Variants in ARHGAP5 observed in about 807,000 individuals in gnomAD.
ARHGAP5 encodes the protein Rho GTPase activating protein 5.
ARHGAP5 carries 23 observed loss-of-function variants against 116.6 expected under a neutral mutation model. That is an observed-to-expected ratio of 0.20 (90% CI 0.14 to 0.28). The LOEUF is 0.28. Ranked by LOEUF, ARHGAP5 falls within the 10% of genes least tolerant of loss-of-function variation. The probability of loss-of-function intolerance (pLI) is 1.00; values close to 1 mark genes in which losing one functional copy is unlikely to be tolerated. For synonymous variants in ARHGAP5, 574 were observed against 602.0 expected, an observed-to-expected ratio of 0.95 and a Z score of 0.68; for missense variants, 1,405 against 1,774.8, an observed-to-expected ratio of 0.79 and a Z score of 3.74.
chr14:32,140,642 T>C (rs529202720), intron 3 of ARHGAP5, among the ~76,000 whole-genome samples: 124 of 152,286 alleles, frequency 8.1e-4, no homozygotes, highest in African/African-American at 3.0e-3. Flanking sequence ...TAATTTTTCT[T>C]TTGTTACTTA....
At chr14:32,125,235 G>A (rs954675018) in intron 3 of ARHGAP5, among the ~76,000 whole-genome samples, 2 of 152,054 alleles carry the variant, frequency 1.3e-5, no homozygotes, top group African/African-American at 4.8e-5. Context: ...TACTAATTCT[G>A]GATATTTCAT....
rs1231022783 is a variant in ARHGAP5, at chr14:32,153,040, TG to T, written c.4181+514del. 2.8e-4 allele frequency among the ~76,000 whole-genome samples: 38 copies of T among 135,280 alleles called. No homozygotes were observed. In the South Asian group the frequency reaches 6.8e-3, roughly 24 times the overall value. 88.7% of individuals were successfully genotyped at this position (135,280 alleles called of 152,430 possible). On this transcript the variant is annotated intron_variant, in intron 6 of 6. Coordinates refer to ENST00000345122, the MANE Select transcript of ARHGAP5 (RefSeq NM_001030055.2). ...TCTACTGGCATTTTAATGAACTGTA[TG>T]GTTTTTTTTGTTTTTTTTTTTTTTT...
intron 1 of ARHGAP5, among the ~76,000 whole-genome samples, chr14:32,081,187 C>G (rs2041768805): frequency 6.6e-6 from 1 of 151,984 alleles, no homozygotes; most frequent in South Asian, 2.1e-4. Flanking sequence ...TAGGGAAGTA[C>G]ATACTGATTT....
intron 2 of ARHGAP5, among the ~76,000 whole-genome samples, chr14:32,097,838 T>G: frequency 6.6e-6 from 1 of 152,156 alleles, no homozygotes; most frequent in East Asian, 1.9e-4. Context: ...AACAGAAAAC[T>G]AGAGAAAGTA....
chr14:32,103,802 T>G (rs1878893021), intron 2 of ARHGAP5, among the ~76,000 whole-genome samples: 2 of 152,182 alleles, frequency 1.3e-5, no homozygotes, highest in South Asian at 4.1e-4. Context: ...GGGCTTAATC[T>G]GTGACTTTTA....
chr14:32,096,086 T>C (rs1301757546), intron 2 of ARHGAP5, among the ~76,000 whole-genome samples: 1 of 152,096 alleles, frequency 6.6e-6, no homozygotes, highest in Non-Finnish European at 1.5e-5. Flanking sequence ...CCCCACTTGA[T>C]GGAGCTGTGT....
At chr14:32,095,694 C>T (rs1274186745) in intron 2 of ARHGAP5, among the ~76,000 whole-genome samples, 2 of 152,044 alleles carry the variant, frequency 1.3e-5, no homozygotes, top group Non-Finnish European at 1.5e-5. Flanking sequence ...GGATTACAGG[C>T]GTGAGCCACC....
chr14:32,093,357 T>G lies in ARHGAP5; in HGVS notation c.2688T>G (p.Ala896=). 6.2e-7 allele frequency: 1 copy of G among 1,614,046 alleles called. No individual in the cohort carries two copies. Among genetic ancestry groups the G allele is most frequent in the Non-Finnish European group, 8.5e-7 (1 of 1,179,950 alleles). ...AAGCAGATTTTTTTGAAAATGAGGC[T>G]ATCAAAGAGTTAATGACTGAAGGAG... The part of the protein sequence containing the change: ...DSQADFFENE[A]IKELMTEGEH... The change falls in exon 2 of 7, where the codon GCT becomes GCG. Residue 896 remains alanine (A), a synonymous_variant. Coordinates refer to ENST00000345122, the MANE Select transcript of ARHGAP5 (RefSeq NM_001030055.2).
chr14:32,098,485 A>T (rs1878637585), intron 2 of ARHGAP5, among the ~76,000 whole-genome samples: 1 of 152,194 alleles, frequency 6.6e-6, no homozygotes, highest in Non-Finnish European at 1.5e-5. Flanking sequence ...AGAATATTTA[A>T]TGCTGAATAC....
At chr14:32,114,206 C>T (rs916041655) in intron 2 of ARHGAP5, among the ~76,000 whole-genome samples, 1 of 151,236 alleles carries the variant, frequency 6.6e-6, no homozygotes, top group Non-Finnish European at 1.5e-5. Flanking sequence ...CCAGCCTGGG[C>T]CACAGAGCTA....
At chr14:32,112,157 T>TA (rs1359822521) in intron 2 of ARHGAP5, among the ~76,000 whole-genome samples, 1 of 152,086 alleles carries the variant, frequency 6.6e-6, no homozygotes, top group Non-Finnish European at 1.5e-5. Context: ...TGTAAGAAAA[T>TA]AGAGATCCAG....
At position 32,133,682 on chromosome 14, in the gene ARHGAP5, C is replaced by T. The variant is rs189948985; in HGVS notation, c.3866-12581C>T. ...TGCCCGTTTTCAAAGGGAATGCTTC[C>T]AGTTTTTGCCCATTCAGTATGATAT... On this transcript the variant is annotated intron_variant, in intron 3 of 6. Transcript: ENST00000345122. Among the ~76,000 whole-genome samples the T allele has an allele frequency of 2.0e-3, 303 of 152,212 alleles. 3 individuals are homozygous for T. In the South Asian group the frequency reaches 0.034, roughly 17 times the overall value.
chr14:32,134,802 G>C (rs1880699626), intron 3 of ARHGAP5, among the ~76,000 whole-genome samples: 1 of 152,150 alleles, frequency 6.6e-6, no homozygotes, highest in African/African-American at 2.4e-5. Context: ...TAAGTAGTTT[G>C]AGTAATTTAT....
intron 2 of ARHGAP5, among the ~76,000 whole-genome samples, chr14:32,102,356 G>T (rs902194670): frequency 6.6e-6 from 1 of 152,026 alleles, no homozygotes; most frequent in African/African-American, 2.4e-5. Context: ...CAGGGTAGTA[G>T]AATTATCCAA....
chr14:32,131,424 A>G (rs1253530125), intron 3 of ARHGAP5, among the ~76,000 whole-genome samples: 1 of 152,200 alleles, frequency 6.6e-6, no homozygotes, highest in Non-Finnish European at 1.5e-5. Flanking sequence ...TAGTAAATAC[A>G]TTCACATTGT....
At chr14:32,127,989 G>A (rs1439947452) in intron 3 of ARHGAP5, among the ~76,000 whole-genome samples, 32 of 143,396 alleles carry the variant, frequency 2.2e-4, no homozygotes, top group African/African-American at 7.3e-4. Context: ...GGGCAGAGGC[G>A]CTCCTCACCT....
rs1881978229 is a variant in ARHGAP5, at chr14:32,158,121, TAAG to T, written c.*3177_*3179del. ...ATAAAGAATGCTATGAATAAAACAT[TAAG>T]AAGCTGTGTAATTTTAAGTTATAGT... On this transcript the variant is annotated 3_prime_UTR_variant, in exon 7 of 7. Transcript: ENST00000345122. 2 of 151,906 alleles carry T rather than the reference TAAG, an allele frequency of 1.3e-5. No homozygotes were observed. Among genetic ancestry groups the T allele is most frequent in the Admixed American group, 1.3e-4 (2 of 15,254 alleles). 9.4% of individuals were successfully genotyped at this position (151,906 alleles called of 1,614,324 possible). A position where few individuals can be genotyped will look rare whatever the true frequency, so the allele number is the denominator to read the frequency against.
chr14:32,105,067 G>A (rs1170351930), intron 2 of ARHGAP5, among the ~76,000 whole-genome samples: 2 of 152,078 alleles, frequency 1.3e-5, no homozygotes, highest in African/African-American at 4.8e-5. Context: ...GGATTATACA[G>A]CCCAAAGTGC....
chr14:32,134,668 T>C (rs1007381281), intron 3 of ARHGAP5, among the ~76,000 whole-genome samples: 8 of 152,238 alleles, frequency 5.3e-5, no homozygotes, highest in African/African-American at 1.9e-4. Flanking sequence ...ATACATACTC[T>C]AAACACAGCA....
Sources: gnomAD v4.1 joint callset for allele counts (sites outside exome capture counted in the v4.1 genomes callset) on GRCh38, gnomAD v4.1.1 for gene constraint, MANE v1.5 for transcripts, NCBI Gene and HGNC (gene_info 2026-07-23, HGNC 2026-07-21) for gene names.